INTS2: variants seen among roughly 807,000 people sequenced by gnomAD.
INTS2 encodes integrator complex subunit 2, also known as KIAA1287.
INTS2 carries 57 observed loss-of-function variants against 139.6 expected under a neutral mutation model. The observed-to-expected ratio is 0.41, with a 90% CI of 0.33 to 0.51. The LOEUF (loss-of-function observed/expected upper bound fraction) is 0.51, where lower values mean the gene tolerates loss of function less well. Ranked by LOEUF, INTS2 falls within the 20% of genes least tolerant of loss-of-function variation. The pLI, the probability that INTS2 is intolerant of heterozygous loss-of-function variation, is 0.28. For missense variants in INTS2, 1,196 were observed against 1,436.7 expected (o/e 0.83, Z 2.71); for synonymous variants, 473 against 493.4 (o/e 0.96, Z 0.55).
At chr17:61,878,913 G>C (rs969169877) in intron 17 of INTS2, among the ~76,000 whole-genome samples, 6 of 109,716 alleles carry the variant, frequency 5.5e-5, no homozygotes, top group Non-Finnish European at 8.2e-5. Flanking sequence ...CTTGAGACTG[G>C]GCAACAGACC....
intron 3 of INTS2, among the ~76,000 whole-genome samples, chr17:61,922,548 G>A (rs9902812): frequency 0.52 from 41,826 of 79,718 alleles, 10,970 homozygotes; most frequent in East Asian, 0.8. Context: ...ATATATATAC[G>A]TGTTCAATTC....
chr17:61,900,810 T>A (rs949295247), intron 9 of INTS2, among the ~76,000 whole-genome samples: 1 of 151,612 alleles, frequency 6.6e-6, no homozygotes, highest in African/African-American at 2.4e-5. Flanking sequence ...ATACAAAACT[T>A]AGCTGAGGGT....
In INTS2 at chr17:61,921,809, C is replaced by T; in HGVS notation, c.451G>A (p.Glu151Lys). 6.3e-7 allele frequency: 1 copy of T among 1,590,228 alleles called. No individual in the cohort carries two copies. Among genetic ancestry groups the T allele is most frequent in the African/African-American group, 1.4e-5 (1 of 73,750 alleles). The change falls in exon 4 of 25, where the codon GAA becomes AAA. Residue 151 changes from glutamate (E) to lysine (K), a missense_variant. Glu to Lys is a moderately conservative substitution (Grantham distance 56, BLOSUM62 1). Coordinates refer to ENST00000251334, the MANE Select transcript of INTS2 (RefSeq NM_001351695.2). ...AGTTCAGAAGACTTGAAAAAAAATT[C>T]TCCGTTGGACTCAGACACCTTAAAA... ...IMNKVSESNG[E>K]FFFKSSELFE...
At chr17:61,883,483 G>A (rs1350463095) in intron 16 of INTS2, among the ~76,000 whole-genome samples, 1 of 152,206 alleles carries the variant, frequency 6.6e-6, no homozygotes, top group Middle Eastern at 3.2e-3. Context: ...GCCAGGCACA[G>A]TGGCTCACGC....
Position 61,871,145 on chromosome 17 carries a change from G to A in INTS2, c.2778+1120C>T, listed in dbSNP as rs977820952. Among the ~76,000 whole-genome samples the A allele has an allele frequency of 6.6e-6, 1 of 152,086 alleles. No homozygotes were observed. Among genetic ancestry groups the A allele is most frequent in the Non-Finnish European group, 1.5e-5 (1 of 68,000 alleles). On this transcript the variant is annotated intron_variant, in intron 20 of 24. Coordinates refer to ENST00000251334, the MANE Select transcript of INTS2 (RefSeq NM_001351695.2). The surrounding 1 kb of genome is among the most constrained non-coding windows in gnomAD (Gnocchi z 4.9). ...GATTTTTGTTGTTGTTGTTGAGATG[G>A]AGTCTCGCTCTGTCGCCCAGGCTGT...
At position 61,872,298 on chromosome 17, in the gene INTS2, C is replaced by G. The variant is rs2079095361; in HGVS notation, c.2745G>C (p.Arg915Ser). Residue 915 changes from arginine (R) to serine (S), a missense_variant, in exon 20 of 25, where the codon AGG (arginine) becomes AGC (serine). Arg to Ser is a moderately radical substitution (Grantham distance 110). This residue lies in a region of INTS2 where 1,129 missense variants were observed against 1,341.9 expected (regional missense o/e 0.84). Coordinates refer to ENST00000251334, the MANE Select transcript of INTS2 (RefSeq NM_001351695.2). The surrounding 1 kb of genome is among the most constrained non-coding windows in gnomAD (Gnocchi z 4.8). Reference sequence around the variant, plus strand: ...CCAGTAATGCATTTTTCAATTCTTCCCTGGTAACTTCCGGAGCATCAGTTT... The same window carrying G: ...CCAGTAATGCATTTTTCAATTCTTCGCTGGTAACTTCCGGAGCATCAGTTT... ...VGQTDAPEVTREELKNALLAA... is the reference protein window; with the variant it reads ...VGQTDAPEVTSEELKNALLAA... 6.2e-7 allele frequency: 1 copy of G among 1,611,574 alleles called. No individual in the cohort carries two copies. Among genetic ancestry groups the G allele is most frequent in the African/African-American group, 1.3e-5 (1 of 74,788 alleles).
At chr17:61,881,551 C>G (rs1351976686) in intron 16 of INTS2, among the ~76,000 whole-genome samples, 1 of 152,096 alleles carries the variant, frequency 6.6e-6, no homozygotes, top group Non-Finnish European at 1.5e-5. Context: ...GAGCCAGGAT[C>G]GCAACATTGC....
At chr17:61,877,642 T>C (rs781586407) in intron 18 of INTS2, among the ~76,000 whole-genome samples, 1 of 152,322 alleles carries the variant, frequency 6.6e-6, no homozygotes, top group South Asian at 2.1e-4. Context: ...TAACTATACA[T>C]GATAACCCAA....
chr17:61,921,674 C>G, intron 4 of INTS2, 51 bp downstream of exon 4: 1 of 873,690 alleles, frequency 1.1e-6, no homozygotes, highest in Non-Finnish European at 1.8e-6. Flanking sequence ...TACACAGTAT[C>G]ATTTAACAAG....
intron 4 of INTS2, among the ~76,000 whole-genome samples, chr17:61,920,486 CTTTTTT>C (rs1187583288): frequency 3.8e-5 from 4 of 106,504 alleles, no homozygotes; most frequent in South Asian, 3.6e-4. Flanking sequence ...CTGGCCTATA[CTTTTTT>C]TTTTTTTTTT....
chr17:61,879,274 G>C (rs557376749), intron 17 of INTS2, among the ~76,000 whole-genome samples: 32 of 151,922 alleles, frequency 2.1e-4, no homozygotes, highest in Non-Finnish European at 3.1e-4. Context: ...TATTGCTTTT[G>C]ATAGCTAACA....
chr17:61,915,884 G>C (rs1315426951), intron 5 of INTS2, among the ~76,000 whole-genome samples: 9 of 150,106 alleles, frequency 6.0e-5, no homozygotes. Flanking sequence ...CAAGCTCATG[G>C]ATTGGAAGAA....
rs1249777816 is a variant in INTS2 at position 61,866,141 on chromosome 17, G to T, written c.*1416C>A. 2 of 152,328 alleles carry T rather than the reference G, an allele frequency of 1.3e-5. No homozygotes were observed. Among genetic ancestry groups the T allele is most frequent in the Admixed American group, 1.3e-4 (2 of 15,278 alleles). 9.4% of individuals were successfully genotyped at this position (152,328 alleles called of 1,614,324 possible). A position where few individuals can be genotyped will look rare whatever the true frequency, so the allele number is the denominator to read the frequency against. Reference sequence around the variant, plus strand: ...GCACTTTGGGAGGCCAAGGTGGGCAGATCACCTGAGGCCAGGAGTTCAAAA... The same window carrying T: ...GCACTTTGGGAGGCCAAGGTGGGCATATCACCTGAGGCCAGGAGTTCAAAA... On this transcript the variant is annotated 3_prime_UTR_variant, in exon 25 of 25. Transcript: ENST00000251334.
At chr17:61,896,858 C>T (rs911443671) in intron 11 of INTS2, among the ~76,000 whole-genome samples, 5 of 152,124 alleles carry the variant, frequency 3.3e-5, no homozygotes, top group Non-Finnish European at 7.4e-5. Context: ...TGACAGTACT[C>T]ATGAAACACC....
At chr17:61,914,155 T>C (rs1319416728) in intron 5 of INTS2, among the ~76,000 whole-genome samples, 1 of 151,062 alleles carries the variant, frequency 6.6e-6, no homozygotes, top group Non-Finnish European at 1.5e-5. Context: ...CCTTAAGATA[T>C]GGACAGATTA....
intron 5 of INTS2, among the ~76,000 whole-genome samples, chr17:61,913,698 A>C (rs1019373357): frequency 3.3e-5 from 5 of 152,192 alleles, no homozygotes; most frequent in African/African-American, 1.2e-4. Flanking sequence ...AGACCAAAAA[A>C]GCCAGTAAAA....
chr17:61,885,723 A>ATTT (rs1306536844), intron 15 of INTS2, among the ~76,000 whole-genome samples: 19 of 87,174 alleles, frequency 2.2e-4, no homozygotes, highest in Non-Finnish European at 3.4e-4. Context: ...GGCCCGGCCA[A>ATTT]TTTTTTTTTT....
chr17:61,894,774 G>C (rs968953647), intron 12 of INTS2, among the ~76,000 whole-genome samples: 1 of 151,892 alleles, frequency 6.6e-6, no homozygotes, highest in African/African-American at 2.4e-5. Context: ...CTCCAACCCA[G>C]GAGGCAGAGG....
chr17:61,921,404 A>G (rs368839712), intron 4 of INTS2: 27 of 166,716 alleles, frequency 1.6e-4, no homozygotes, highest in African/African-American at 5.5e-4. Context: ...ACTTTTAACA[A>G]AACTGGGATT....
Sources: allele counts gnomAD v4.1 joint callset (sites outside exome capture counted in the v4.1 genomes callset), GRCh38; gene constraint gnomAD v4.1.1; regional missense constraint gnomAD v4.1.1; non-coding constraint Gnocchi (gnomAD v3.1); transcripts MANE v1.5; gene names NCBI Gene and HGNC (gene_info 2026-07-23, HGNC 2026-07-21).